The following MCPH1 variants were observed in gnomAD, a reference collection of about 807,000 sequenced individuals.
MCPH1 encodes the protein microcephalin 1.
Under a neutral mutation model 84.5 loss-of-function variants are expected in MCPH1, and 104 were observed. The observed-to-expected ratio is 1.23, with a 90% CI of 1.05 to 1.45. MCPH1 has a LOEUF of 1.45. Among genes scored for constraint, MCPH1 ranks in the 40% most tolerant of loss-of-function variants. MCPH1 has a pLI of 0.00. For synonymous variants in MCPH1, 514 were observed against 366.8 expected (o/e 1.40, Z -4.58); for missense variants, 1,498 against 1,005.7 (o/e 1.49, Z -6.62).
chr8:6,473,777 C>T (rs1227988338), intron 9 of MCPH1: 2 of 933,764 alleles, frequency 2.1e-6, no homozygotes, highest in Non-Finnish European at 1.5e-6. Flanking sequence ...GATACTTAAA[C>T]AATTTCTATG....
At chr8:6,609,422 C>G (rs1189498663) in intron 12 of MCPH1, among the ~76,000 whole-genome samples, 1 of 152,084 alleles carries the variant, frequency 6.6e-6, no homozygotes, top group Non-Finnish European at 1.5e-5. Flanking sequence ...TGTGGATTCC[C>G]AAGACGATTA....
chr8:6,463,391 G>A lies in MCPH1; in HGVS notation c.1935+8139G>A, dbSNP rs10435679. ...TCACAGCTGTCATTTATTGAGCATT[G>A]TGACCTCTTTTTAGATTGAGTTTTC... is the stretch of plus-strand genomic sequence containing the variant. On this transcript the variant is annotated intron_variant, in intron 9 of 13. Transcript: ENST00000344683. Among the ~76,000 whole-genome samples, 185 of 152,292 alleles carry A rather than the reference G, an allele frequency of 1.2e-3. 3 individuals are homozygous for A. In the East Asian group the frequency reaches 0.03, roughly 24 times the overall value.
At chr8:6,412,437 C>T (rs1429320850) in intron 2 of MCPH1, among the ~76,000 whole-genome samples, 1 of 152,158 alleles carries the variant, frequency 6.6e-6, no homozygotes, top group African/African-American at 2.4e-5. Flanking sequence ...GAATACAGAT[C>T]AATAGTCGTT....
chr8:6,423,113 G>A lies in MCPH1; in HGVS notation c.233+8230G>A, dbSNP rs73516739. Among the ~76,000 whole-genome samples, 200 of 151,250 alleles carry A rather than the reference G, an allele frequency of 1.3e-3. 3 individuals carry two copies. Among genetic ancestry groups the A allele is most frequent in the African/African-American group, 4.7e-3 (191 of 40,810 alleles). ...TAGGATTACAGGTAAGAGCCACCGTGCCTGGCAAAAGCACACTTTTAAGGT... is the reference window on the plus strand; with the variant it reads ...TAGGATTACAGGTAAGAGCCACCGTACCTGGCAAAAGCACACTTTTAAGGT... On this transcript the variant is annotated intron_variant, in intron 3 of 13. Coordinates refer to ENST00000344683, the MANE Select transcript of MCPH1 (RefSeq NM_024596.5).
Position 6,447,195 on chromosome 8 carries a change from G to A in MCPH1, c.1825+1648G>A, listed in dbSNP as rs1030579185. 4 of 985,264 alleles carry A rather than the reference G, an allele frequency of 4.1e-6. No homozygotes were observed. The African/African-American group carries it at 7.0e-5, about 17-fold the overall frequency. The allele number at this position is 985,264 out of a possible 1,614,324, so 61.0% of individuals were successfully genotyped here. On this transcript the variant is annotated intron_variant, in intron 8 of 13. Transcript: ENST00000344683. ...TTTATAGTAATAAAGATTCATCAAT[G>A]TTTTAAACTGTCCACTGTCAGCCCC...
intron 12 of MCPH1, among the ~76,000 whole-genome samples, chr8:6,517,332 A>G (rs990449072): frequency 6.6e-6 from 1 of 152,212 alleles, no homozygotes; most frequent in Non-Finnish European, 1.5e-5. Flanking sequence ...CTCTGAGGCA[A>G]TGATTAAGTG....
intron 12 of MCPH1, among the ~76,000 whole-genome samples, chr8:6,525,338 A>C (rs1335933712): frequency 6.6e-6 from 1 of 152,124 alleles, no homozygotes; most frequent in Non-Finnish European, 1.5e-5. Flanking sequence ...CAAGCGATCC[A>C]CCTGCCTCAG....
chr8:6,577,296 G>A (rs200688004), intron 12 of MCPH1, among the ~76,000 whole-genome samples: 2 of 152,154 alleles, frequency 1.3e-5, no homozygotes, highest in Non-Finnish European at 2.9e-5. Context: ...TTCCCTTCCC[G>A]TCACCACGTG....
At chr8:6,536,649 G>A (rs1376598863) in intron 12 of MCPH1, among the ~76,000 whole-genome samples, 2 of 152,106 alleles carry the variant, frequency 1.3e-5, no homozygotes, top group Non-Finnish European at 2.9e-5. Context: ...GACTATGGAT[G>A]TCCATCATAT....
chr8:6,419,154 C>G (rs867384581), intron 3 of MCPH1, among the ~76,000 whole-genome samples: 6 of 17,728 alleles, frequency 3.4e-4, no homozygotes, highest in African/African-American at 4.0e-4. Flanking sequence ...CACACACAGA[C>G]ACACACACAC....
intron 11 of MCPH1, chr8:6,494,536 T>C (rs1046760573): frequency 6.6e-6 from 1 of 152,180 alleles, no homozygotes; most frequent in African/African-American, 2.4e-5. Context: ...ACTCAATAAA[T>C]ATTAAATATC....
At chr8:6,543,788 C>T (rs371928052) in intron 12 of MCPH1, among the ~76,000 whole-genome samples, 18 of 152,182 alleles carry the variant, frequency 1.2e-4, no homozygotes, top group East Asian at 3.9e-4. Context: ...TTTAAAGCTG[C>T]GAGTTTTTTC....
At chr8:6,478,254 C>A (rs144642668) in intron 10 of MCPH1, among the ~76,000 whole-genome samples, 1 of 152,140 alleles carries the variant, frequency 6.6e-6, no homozygotes, top group Non-Finnish European at 1.5e-5. Context: ...ACCTTTAGAA[C>A]ATTTTCAGTA....
intron 9 of MCPH1, among the ~76,000 whole-genome samples, chr8:6,459,153 A>T (rs1323028351): frequency 6.6e-6 from 1 of 152,240 alleles, no homozygotes; most frequent in East Asian, 1.9e-4. Context: ...CAGCCTACAA[A>T]TATAATGTTA....
At chr8:6,425,937 C>A (rs755263991) in intron 3 of MCPH1, among the ~76,000 whole-genome samples, 1 of 152,100 alleles carries the variant, frequency 6.6e-6, no homozygotes, top group Non-Finnish European at 1.5e-5. Context: ...ATCTCAGCCA[C>A]CCCCCTTTTG....
chr8:6,516,658 T>A (rs1397323483), intron 12 of MCPH1, among the ~76,000 whole-genome samples: 8 of 152,238 alleles, frequency 5.3e-5, no homozygotes, highest in Non-Finnish European at 8.8e-5. Context: ...TAAGCTACTT[T>A]GGTTTGAGGA....
chr8:6,484,050 A>T (rs1006229009), intron 11 of MCPH1, among the ~76,000 whole-genome samples: 1 of 152,246 alleles, frequency 6.6e-6, no homozygotes, highest in Non-Finnish European at 1.5e-5. Context: ...CAAAAGCATG[A>T]TGAATAACAG....
At chr8:6,558,076 T>C (rs1563124738) in intron 12 of MCPH1, among the ~76,000 whole-genome samples, 1 of 152,230 alleles carries the variant, frequency 6.6e-6, no homozygotes, top group East Asian at 1.9e-4. Flanking sequence ...TTTTGCTCTT[T>C]GTTCCTAAGT....
At chr8:6,419,548 A>G (rs913651288) in intron 3 of MCPH1, among the ~76,000 whole-genome samples, 4 of 131,090 alleles carry the variant, frequency 3.1e-5, no homozygotes, top group Admixed American at 8.5e-5. Context: ...GCCCACCACC[A>G]CACCTGGCTA....
Sources: allele counts gnomAD v4.1 joint callset (sites outside exome capture counted in the v4.1 genomes callset), GRCh38; gene constraint gnomAD v4.1.1; transcripts MANE v1.5; gene names NCBI Gene and HGNC (gene_info 2026-07-23, HGNC 2026-07-21).